The following KDM8 variants were observed in gnomAD, a reference collection of about 807,000 sequenced individuals.
KDM8 encodes lysine demethylase 8, also known as bifunctional peptidase and arginyl-hydroxylase JMJD5.
In KDM8, 35 loss-of-function variants were observed where a neutral mutation model predicts 46.9. The ratio of observed to expected loss-of-function variants is 0.75; its 90% CI spans 0.57 to 0.99. The LOEUF is 0.99. Ranked by LOEUF, KDM8 falls within the 50% of genes least tolerant of loss-of-function variation. The pLI is 0.00. For missense variants in KDM8, 475 were observed against 537.0 expected (o/e 0.88, Z 1.14); for synonymous variants, 232 against 227.7 (o/e 1.02, Z -0.17).
At chr16:27,217,861 C>T (rs375002153) in intron 5 of KDM8, among the ~76,000 whole-genome samples, 5 of 152,026 alleles carry the variant, frequency 3.3e-5, no homozygotes, top group East Asian at 3.9e-4. Flanking sequence ...TCCAGGGTCC[C>T]GTGAAGAACC....
In KDM8 at chr16:27,213,700, C is replaced by T; in HGVS notation, c.614C>T (p.Pro205Leu). ...FREQFLVPGRPVILKGVADHW... is the reference protein window; with the variant it reads ...FREQFLVPGRLVILKGVADHW... ...GAGCAGTTTTTGGTTCCAGGGAGGC[C>T]CGTGATCCTGAAAGGCGTGGCTGAC... The change falls in exon 3 of 8, where the codon CCC (proline) becomes CTC (leucine). Residue 205 changes from proline (P) to leucine (L), a missense_variant. Coordinates refer to ENST00000286096, the MANE Select transcript of KDM8 (RefSeq NM_024773.3). 1 of 1,614,152 alleles carries T rather than the reference C, an allele frequency of 6.2e-7. No homozygotes were observed. The highest frequency in any genetic ancestry group is 2.2e-5 in the East Asian group (1 of 44,884).
At position 27,218,960 on chromosome 16, in the gene KDM8, G is replaced by C; in HGVS notation, c.844-1G>C. The C allele has an allele frequency of 2.5e-6, 4 of 1,614,108 alleles. No homozygotes were observed. Among genetic ancestry groups the C allele is most frequent in the Non-Finnish European group, 3.4e-6 (4 of 1,179,976 alleles). ...TCTCATGTCTGCTCTGCCGCCCACA[G>C]ATCCCGGAGTTGAAGCAGGACATCA... On this transcript the variant is annotated splice_acceptor_variant, in intron 5 of 7. Coordinates refer to ENST00000286096, the MANE Select transcript of KDM8 (RefSeq NM_024773.3). LOFTEE classifies it high-confidence loss of function.
At chr16:27,204,420 G>T in intron 1 of KDM8, 1 of 1,163,936 alleles carries the variant, frequency 8.6e-7, no homozygotes, top group Non-Finnish European at 1.1e-6. Flanking sequence ...ATGAATTAAA[G>T]CTTTCTGGAA....
In KDM8 at chr16:27,221,022, C is replaced by T. The variant is rs1030431972; in HGVS notation, c.*292C>T. On this transcript the variant is annotated 3_prime_UTR_variant, in exon 8 of 8. Coordinates refer to ENST00000286096, the MANE Select transcript of KDM8 (RefSeq NM_024773.3). ...CATGGGGACTCTGGCATCAGAAAGC[C>T]GAATGTTTTTGGGAAACGGGTGGGT... The T allele has an allele frequency of 1.7e-5, 8 of 460,208 alleles. No individual in the cohort carries two copies. The highest frequency in any genetic ancestry group is 4.5e-5 in the East Asian group (1 of 22,318). 28.5% of individuals were successfully genotyped at this position (460,208 alleles called of 1,614,324 possible).
chr16:27,206,274 T>G (rs2083427466), intron 1 of KDM8: 3 of 825,868 alleles, frequency 3.6e-6, no homozygotes, highest in Non-Finnish European at 4.4e-6. Flanking sequence ...TGCGTGTGCT[T>G]TTTTTTTTTT....
intron 2 of KDM8, among the ~76,000 whole-genome samples, chr16:27,212,080 ATATCTC>A (rs1201256260): frequency 6.6e-6 from 1 of 152,254 alleles, no homozygotes; most frequent in Non-Finnish European, 1.5e-5. Flanking sequence ...CAGACAATGA[ATATCTC>A]TATTACGTAA....
At chr16:27,211,419 C>T in intron 2 of KDM8, 1 of 330,892 alleles carries the variant, frequency 3.0e-6, no homozygotes, top group Non-Finnish European at 6.0e-6. Flanking sequence ...TTCCAAAGAG[C>T]ACCCCCAGGA....
chr16:27,204,243 A>G (rs1246175330), intron 1 of KDM8: 1 of 1,416,882 alleles, frequency 7.1e-7, no homozygotes, highest in African/African-American at 1.5e-5. Flanking sequence ...GCTCGGTAGG[A>G]CTTAACGATG....
intron 1 of KDM8, 28 bp from the exon 2 acceptor site, chr16:27,210,065 T>TA: frequency 6.4e-7 from 1 of 1,568,508 alleles, no homozygotes; most frequent in Non-Finnish European, 8.6e-7. Flanking sequence ...TCCTGGTGTC[T>TA]AACTCTTGTT....
Position 27,203,568 on chromosome 16 carries a change from T to C in KDM8, c.-100T>C, listed in dbSNP as rs750725032. 1.3e-5 allele frequency: 2 copies of C among 153,070 alleles called. No individual in the cohort carries two copies. Among genetic ancestry groups the C allele is most frequent in the African/African-American group, 4.8e-5 (2 of 41,438 alleles). The allele number at this position is 153,070 out of a possible 1,614,324, so 9.5% of individuals were successfully genotyped here. A position where few individuals can be genotyped will look rare whatever the true frequency, so the allele number is the denominator to read the frequency against. ...TGGCTCCTCAGGGGACACAGCCGAG[T>C]GGTCGGACCAAACGCAACGAGTCTT... is the stretch of plus-strand genomic sequence containing the variant. On this transcript the variant is annotated 5_prime_UTR_variant, in exon 1 of 8. Transcript: ENST00000286096.
chr16:27,216,263 G>C (rs2083551509), intron 5 of KDM8: 3 of 535,586 alleles, frequency 5.6e-6, no homozygotes, highest in South Asian at 4.6e-5. Context: ...TATTGCTGTG[G>C]TGCAAGGAGA....
chr16:27,216,238 G>T, intron 5 of KDM8: 1 of 565,396 alleles, frequency 1.8e-6, no homozygotes, highest in Non-Finnish European at 3.2e-6. Flanking sequence ...TGTCGGAGCG[G>T]GTGGCTGGCT....
At chr16:27,213,251 G>T in intron 2 of KDM8, 1 of 231,886 alleles carries the variant, frequency 4.3e-6, no homozygotes, top group South Asian at 5.9e-5. Flanking sequence ...GTGTGTGTGT[G>T]TGTGTGTGTG....
chr16:27,218,914 G>A (rs1229911135), intron 5 of KDM8, 47 bp from the exon 6 acceptor site: 15 of 1,610,462 alleles, frequency 9.3e-6, no homozygotes, highest in Non-Finnish European at 8.5e-6. Flanking sequence ...GGGCTGCGGT[G>A]TCCCCAGCCG....
intron 1 of KDM8, among the ~76,000 whole-genome samples, chr16:27,208,936 CATT>C (rs1221824452): frequency 4.6e-5 from 7 of 152,338 alleles, no homozygotes; most frequent in African/African-American, 1.4e-4. Flanking sequence ...GAAATGAACT[CATT>C]ATAAGCTCAG....
In KDM8 at chr16:27,210,240, G is replaced by A; in HGVS notation, c.117G>A (p.Glu39=). The A allele has an allele frequency of 6.2e-7, 1 of 1,613,308 alleles. No individual in the cohort carries two copies. The highest frequency in any genetic ancestry group is 8.5e-7 in the Non-Finnish European group (1 of 1,180,048). Reference sequence around the variant, plus strand: ...AAGACCTGAAGTTGGACCTCGGGGAGAAAGTGGAGAGGAGCGTGGTGACAT... The same window carrying A: ...AAGACCTGAAGTTGGACCTCGGGGAAAAAGTGGAGAGGAGCGTGGTGACAT... ...SKEDLKLDLG[E]KVERSVVTLL... is the part of the protein sequence containing the mutation. The change falls in exon 2 of 8, where the codon GAG becomes GAA. Residue 39 remains glutamate (E), a synonymous_variant. Transcript: ENST00000286096.
intron 1 of KDM8, among the ~76,000 whole-genome samples, chr16:27,206,811 C>G (rs921889852): frequency 3.9e-5 from 6 of 152,198 alleles, no homozygotes; most frequent in African/African-American, 1.4e-4. Context: ...AGGGCCATCT[C>G]AAGTGGTTGG....
chr16:27,216,239 G>T, intron 5 of KDM8: 2 of 563,706 alleles, frequency 3.5e-6, no homozygotes, highest in South Asian at 4.3e-5. Context: ...GTCGGAGCGG[G>T]TGGCTGGCTG....
In KDM8 at chr16:27,220,379, G is replaced by T. The variant is rs1208631154; in HGVS notation, c.994-14G>T. On this transcript the variant is annotated splice_polypyrimidine_tract_variant and intron_variant, in intron 6 of 7. Transcript: ENST00000286096. ...GTGAGGCCACCAGCTGACTGTCAGG[G>T]TCTCTCTCCCCAGGTGATGGGGAGG... The T allele has an allele frequency of 1.9e-6, 3 of 1,611,306 alleles. No homozygotes were observed. The highest frequency in any genetic ancestry group is 2.2e-5 in the South Asian group (2 of 91,022).
Sources: allele counts gnomAD v4.1 joint callset (sites outside exome capture counted in the v4.1 genomes callset), GRCh38; gene constraint gnomAD v4.1.1; transcripts MANE v1.5; gene names NCBI Gene and HGNC (gene_info 2026-07-23, HGNC 2026-07-21).